Variants in TDRD3 observed in about 807,000 individuals in gnomAD.
TDRD3 encodes tudor domain containing 3.
Under a neutral mutation model 86.7 loss-of-function variants are expected in TDRD3, and 45 were observed. The observed-to-expected ratio is 0.52, with a 90% CI of 0.41 to 0.67. The LOEUF (loss-of-function observed/expected upper bound fraction) is 0.67, where lower values mean the gene tolerates loss of function less well. Among genes scored for constraint, TDRD3 ranks in the 30% least tolerant of loss-of-function variants. The pLI is 0.00. For synonymous variants in TDRD3, 298 were observed against 301.7 expected (o/e 0.99, Z 0.13); for missense variants, 814 against 889.0 (o/e 0.92, Z 1.07).
In TDRD3 at chr13:60,426,547, A is replaced by T. The variant is rs564674279; in HGVS notation, c.42-13141A>T. Among the ~76,000 whole-genome samples, 34 of 152,298 alleles carry T rather than the reference A, an allele frequency of 2.2e-4. 2 individuals are homozygous for T. In the South Asian group the frequency reaches 4.8e-3, roughly 21 times the overall value. The stretch of plus-strand genomic sequence containing the variant: ...TAAACCTTGAATATACACAATAAAA[A>T]TTTTTTTAAATGTCATGAGACACTT... On this transcript the variant is annotated intron_variant, in intron 1 of 13. Transcript: ENST00000377881.
At chr13:60,476,802 T>C (rs1299569857) in intron 5 of TDRD3, among the ~76,000 whole-genome samples, 1 of 152,134 alleles carries the variant, frequency 6.6e-6, no homozygotes, top group African/African-American at 2.4e-5. Context: ...TCCTAGGTAT[T>C]TTATTCTTTT....
chr13:60,504,285 A>G (rs978656346), intron 8 of TDRD3, among the ~76,000 whole-genome samples: 27 of 152,174 alleles, frequency 1.8e-4, no homozygotes, highest in African/African-American at 4.6e-4. Flanking sequence ...ACATGTTGCA[A>G]TGTAAACTCT....
chr13:60,432,584 A>T (rs573286898), intron 1 of TDRD3, among the ~76,000 whole-genome samples: 2 of 152,152 alleles, frequency 1.3e-5, no homozygotes, highest in African/African-American at 2.4e-5. Context: ...ATTACAATCA[A>T]TTTACACTAT....
intron 10 of TDRD3, among the ~76,000 whole-genome samples, chr13:60,513,324 G>A (rs1173537759): frequency 6.6e-6 from 1 of 152,196 alleles, no homozygotes; most frequent in Non-Finnish European, 1.5e-5. Flanking sequence ...CCTGGCTTGT[G>A]ATGGGAGGGG....
chr13:60,536,365 A>G (rs1179504055), intron 12 of TDRD3: 2 of 152,046 alleles, frequency 1.3e-5, no homozygotes, highest in African/African-American at 4.8e-5. Flanking sequence ...CCTAACTCTT[A>G]TCCTCTAAAC....
chr13:60,436,033 T>A (rs1252608951), intron 1 of TDRD3, among the ~76,000 whole-genome samples: 1 of 151,782 alleles, frequency 6.6e-6, no homozygotes, highest in African/African-American at 2.4e-5. Context: ...TTTTTTCTTA[T>A]GTCTGTTGGC....
At chr13:60,487,726 C>T (rs772385358) in intron 7 of TDRD3, among the ~76,000 whole-genome samples, 1 of 152,148 alleles carries the variant, frequency 6.6e-6, no homozygotes, top group Admixed American at 6.5e-5. Context: ...ACTAGTGCTG[C>T]AGTAAATATG....
chr13:60,397,290 G>GT lies in TDRD3; in HGVS notation c.-75_-74insT, dbSNP rs1566160772. On this transcript the variant is annotated 5_prime_UTR_variant, in exon 1 of 14. An upstream open reading frame in the 5' UTR gains an earlier in-frame stop. Coordinates refer to ENST00000377881, the MANE Select transcript of TDRD3 (RefSeq NM_001146070.2). ...TTCTTTTCTTTTTTTTTTTTTAAGG[G>GT]GGGGGGTCTCAAGTAGGAGGCCTCC... 5 of 789,576 alleles carry GT rather than the reference G, an allele frequency of 6.3e-6. No homozygotes were observed. Among genetic ancestry groups the GT allele is most frequent in the African/African-American group, 3.6e-5 (2 of 55,110 alleles). The allele number at this position is 789,576 out of a possible 1,614,324, so 48.9% of individuals were successfully genotyped here.
intron 12 of TDRD3, among the ~76,000 whole-genome samples, chr13:60,558,057 A>G (rs569669714): frequency 1.3e-5 from 2 of 152,194 alleles, no homozygotes; most frequent in South Asian, 4.1e-4. Flanking sequence ...TCTTGACCTC[A>G]TGATCTGCCC....
At chr13:60,526,633 T>A (rs891786795) in intron 10 of TDRD3, among the ~76,000 whole-genome samples, 22 of 150,890 alleles carry the variant, frequency 1.5e-4, no homozygotes, top group African/African-American at 4.1e-4. Flanking sequence ...TTTTTTTTTT[T>A]AAAGATCTCT....
upstream of TDRD3, among the ~76,000 whole-genome samples, chr13:60,395,814 T>C (rs1485125291): frequency 1.3e-5 from 2 of 152,118 alleles, no homozygotes; most frequent in Admixed American, 6.5e-5. Flanking sequence ...TGACTATAAA[T>C]TGAAATATAC....
At chr13:60,475,535 G>A (rs1286498302) in intron 5 of TDRD3, among the ~76,000 whole-genome samples, 2 of 152,142 alleles carry the variant, frequency 1.3e-5, no homozygotes, top group Non-Finnish European at 2.9e-5. Flanking sequence ...TTGCTGTTGT[G>A]AAGAGTGCTG....
At chr13:60,452,926 T>C (rs927179674) in intron 3 of TDRD3, among the ~76,000 whole-genome samples, 6 of 152,104 alleles carry the variant, frequency 3.9e-5, no homozygotes, top group African/African-American at 1.2e-4. Context: ...TTGTCAGTTA[T>C]CAGTTTCATT....
chr13:60,425,490 T>C (rs915074802), intron 1 of TDRD3, among the ~76,000 whole-genome samples: 2 of 152,156 alleles, frequency 1.3e-5, no homozygotes, highest in East Asian at 3.9e-4. Flanking sequence ...CAGTATGACC[T>C]AGCAATCCCT....
At chr13:60,475,210 A>G (rs1000471749) in intron 5 of TDRD3, among the ~76,000 whole-genome samples, 1 of 152,034 alleles carries the variant, frequency 6.6e-6, no homozygotes, top group Non-Finnish European at 1.5e-5. Flanking sequence ...ATAGTACCCT[A>G]TAGGTAGCCT....
chr13:60,421,488 G>A (rs542381700), intron 1 of TDRD3, among the ~76,000 whole-genome samples: 46 of 152,316 alleles, frequency 3.0e-4, no homozygotes, highest in African/African-American at 1.1e-3. Flanking sequence ...TGGGGACACA[G>A]CCAAACCATA....
rs568629229 is a variant in TDRD3 at position 60,501,110 on chromosome 13, G to A, written c.858+6535G>A. 2.8e-4 allele frequency among the ~76,000 whole-genome samples: 42 copies of A among 152,332 alleles called. 1 individual carries two copies. The South Asian group carries it at 7.7e-3, about 28-fold the overall frequency. On this transcript the variant is annotated intron_variant, in intron 8 of 13. Transcript: ENST00000377881. ...ATTGCACATTTTCCATCATGGAAAG[G>A]GCAGAGGTTTGTTCTCACTGGAATA...
At chr13:60,555,415 G>A (rs1340945876) in intron 12 of TDRD3, among the ~76,000 whole-genome samples, 1 of 152,094 alleles carries the variant, frequency 6.6e-6, no homozygotes, top group Non-Finnish European at 1.5e-5. Flanking sequence ...ATATCTATAG[G>A]ATCTCTATAA....
At chr13:60,454,833 A>T (rs1955628937) in intron 3 of TDRD3, among the ~76,000 whole-genome samples, 1 of 151,856 alleles carries the variant, frequency 6.6e-6, no homozygotes, top group Non-Finnish European at 1.5e-5. Flanking sequence ...GTCTGATACC[A>T]TACGTAGAAT....
Sources: gnomAD v4.1 joint callset for allele counts (sites outside exome capture counted in the v4.1 genomes callset) on GRCh38, gnomAD v4.1.1 for gene constraint, MANE v1.5 for transcripts, NCBI Gene and HGNC (gene_info 2026-07-23, HGNC 2026-07-21) for gene names.